POTEH: variants seen among roughly 807,000 people sequenced by gnomAD.
POTEH encodes ANKRD26-like family C member 3.
POTEH carries 6 observed loss-of-function variants against 41.7 expected under a neutral mutation model. The ratio of observed to expected loss-of-function variants is 0.14; its 90% CI spans 0.08 to 0.28. The LOEUF is 0.28. Among genes scored for constraint, POTEH ranks in the 10% least tolerant of loss-of-function variants. The pLI, the probability that POTEH is intolerant of heterozygous loss-of-function variation, is 1.00. For missense variants in POTEH, 115 were observed against 533.5 expected (o/e 0.22, Z 7.73); for synonymous variants, 38 against 179.9 (o/e 0.21, Z 6.31).
chr22:15,704,538 G>GTTT (rs1989630022), intron 6 of POTEH, among the ~76,000 whole-genome samples: 1 of 35,608 alleles, frequency 2.8e-5, no homozygotes, highest in African/African-American at 7.9e-5. Flanking sequence ...GGCTAAAACA[G>GTTT]TAGGAACCAG....
chr22:15,699,335 G>T (rs1248301762), intron 4 of POTEH: 1 of 177,948 alleles, frequency 5.6e-6, no homozygotes, highest in African/African-American at 2.4e-5. Context: ...ATTTTTAATT[G>T]GTATGGAGAG....
chr22:15,711,656 C>G (rs1449365061), intron 9 of POTEH, among the ~76,000 whole-genome samples: 2 of 151,678 alleles, frequency 1.3e-5, no homozygotes, highest in African/African-American at 4.9e-5. Context: ...CACACACACA[C>G]AGATATATAA....
chr22:15,690,777 G>A lies in POTEH; in HGVS notation c.632+68G>A, dbSNP rs546740926. ...GATGGGGACATACCCTCCTGGCCGG[G>A]GAGGAGGGGAGCCTGGTTTTCTTGC... is the stretch of plus-strand genomic sequence containing the variant. On this transcript the variant is annotated intron_variant, in intron 1 of 10. Transcript: ENST00000343518. The A allele has an allele frequency of 5.0e-6, 7 of 1,389,484 alleles. 2 individuals are homozygous for A. The highest frequency in any genetic ancestry group is 7.0e-6 in the Non-Finnish European group (7 of 1,003,508). The allele number at this position is 1,389,484 out of a possible 1,614,324, so 86.1% of individuals were successfully genotyped here.
In POTEH at chr22:15,692,443, G is replaced by A. The variant is rs573811426; in HGVS notation, c.632+1734G>A. ...TAAGTTAGAAGAGGAATGAAATACT[G>A]TTTTCTATTTAAGTTAGAGGAGGAA... is the stretch of plus-strand genomic sequence containing the variant. On this transcript the variant is annotated intron_variant, in intron 1 of 10. Transcript: ENST00000343518. Among the ~76,000 whole-genome samples the A allele has an allele frequency of 3.4e-5, 5 of 147,342 alleles. No homozygotes were observed. The East Asian group carries it at 7.9e-4, about 23-fold the overall frequency.
intron 3 of POTEH, among the ~76,000 whole-genome samples, chr22:15,696,829 G>GC (rs1297302691): frequency 7.1e-6 from 1 of 140,224 alleles, no homozygotes; most frequent in African/African-American, 2.7e-5. Flanking sequence ...ACTCTTTTTG[G>GC]CCAAATCTTC....
intron 7 of POTEH, among the ~76,000 whole-genome samples, chr22:15,708,554 A>T (rs1989731750): frequency 7.3e-6 from 1 of 137,390 alleles, no homozygotes; most frequent in Non-Finnish European, 1.5e-5. Context: ...ATTTTAATAG[A>T]TTCTTAAAAT....
At chr22:15,714,210 C>T (rs1364004571) in intron 9 of POTEH, among the ~76,000 whole-genome samples, 17 of 151,110 alleles carry the variant, frequency 1.1e-4, no homozygotes, top group African/African-American at 3.9e-4. Flanking sequence ...TGTGAGCCAC[C>T]ATCATCTGCC....
chr22:15,720,418 AATAATCT>A (rs1990001037), intron 10 of POTEH, among the ~76,000 whole-genome samples: 1 of 117,580 alleles, frequency 8.5e-6, no homozygotes, highest in Non-Finnish European at 1.7e-5. Flanking sequence ...CACAATGACA[AATAATCT>A]CATGATTTCT....
chr22:15,690,935 C>T (rs1347205094), intron 1 of POTEH, among the ~76,000 whole-genome samples: 48 of 129,834 alleles, frequency 3.7e-4, no homozygotes, highest in East Asian at 6.1e-4. Context: ...TCCTAGAACA[C>T]GAATAGACTG....
chr22:15,691,813 A>G (rs1199122895), intron 1 of POTEH, among the ~76,000 whole-genome samples: 3 of 149,256 alleles, frequency 2.0e-5, no homozygotes, highest in East Asian at 2.0e-4. Context: ...GCGCTTGATA[A>G]TGGTGATGTT....
intron 1 of POTEH, among the ~76,000 whole-genome samples, chr22:15,692,585 C>T (rs1228572823): frequency 7.9e-4 from 88 of 111,262 alleles, no homozygotes; most frequent in East Asian, 9.2e-4. Context: ...GAAATCCTAT[C>T]TCTACTGAAA....
At chr22:15,703,595 T>C (rs1989605727) in intron 6 of POTEH, among the ~76,000 whole-genome samples, 1 of 144,136 alleles carries the variant, frequency 6.9e-6, no homozygotes. Context: ...AATATGCAAA[T>C]TGCCCAACTC....
At chr22:15,717,189 A>G (rs1228544434) in intron 9 of POTEH, among the ~76,000 whole-genome samples, 3 of 91,304 alleles carry the variant, frequency 3.3e-5, no homozygotes, top group African/African-American at 1.0e-4. Flanking sequence ...TCTTTATTCC[A>G]TTCATCAGTT....
intron 1 of POTEH, among the ~76,000 whole-genome samples, chr22:15,691,899 A>G (rs1361903386): frequency 1.3e-5 from 2 of 148,312 alleles, no homozygotes; most frequent in Non-Finnish European, 3.0e-5. Flanking sequence ...TATCACAAAA[A>G]TCAGAGTATA....
In POTEH at chr22:15,717,244, G is replaced by C. The variant is rs1989925355; in HGVS notation, c.1521-2416G>C. 2.2e-5 allele frequency among the ~76,000 whole-genome samples: 2 copies of C among 91,478 alleles called. 1 individual carries two copies. Among genetic ancestry groups the C allele is most frequent in the Non-Finnish European group, 4.8e-5 (2 of 41,412 alleles). The allele number at this position is 91,478 out of a possible 152,430, so 60.0% of individuals were successfully genotyped here. On this transcript the variant is annotated intron_variant, in intron 9 of 10. Transcript: ENST00000343518. ...CATATCTTTGCATATTGTGAATTGT[G>C]CTGCAGTAAACATATGTGTGCGGGT...
intron 6 of POTEH, among the ~76,000 whole-genome samples, chr22:15,703,614 G>A (rs554468243): frequency 2.7e-5 from 4 of 147,038 alleles, no homozygotes; most frequent in African/African-American, 1.0e-4. Flanking sequence ...TCTAGGCTCA[G>A]CAGATTATCA....
intron 9 of POTEH, among the ~76,000 whole-genome samples, chr22:15,713,358 G>C (rs1404430002): frequency 6.6e-6 from 1 of 152,294 alleles, no homozygotes; most frequent in Non-Finnish European, 1.5e-5. Flanking sequence ...GTCTTCACTT[G>C]GCTTTCAGGA....
At chr22:15,690,759 A>G (rs1438629391) in intron 1 of POTEH, 50 bp downstream of exon 1, 45 of 1,391,584 alleles carry the variant, frequency 3.2e-5, no homozygotes, top group Middle Eastern at 4.7e-4. Flanking sequence ...GATGATGGGG[A>G]CATACCCTCC....
In POTEH at chr22:15,690,035, G is replaced by A. The variant is rs371721759; in HGVS notation, c.-43G>A. 29 of 1,396,508 alleles carry A rather than the reference G, an allele frequency of 2.1e-5. 6 individuals are homozygous for A. Among genetic ancestry groups the A allele is most frequent in the South Asian group, 1.1e-4 (9 of 84,508 alleles). 86.5% of individuals were successfully genotyped at this position (1,396,508 alleles called of 1,614,324 possible). On this transcript the variant is annotated 5_prime_UTR_variant, in exon 1 of 11. Transcript: ENST00000343518. ...GTTGGTGAAACTGGTTGGTAGACGCGATCTGCTGGCTACTACCGGCCTTCC... is the reference window on the plus strand; with the variant it reads ...GTTGGTGAAACTGGTTGGTAGACGCAATCTGCTGGCTACTACCGGCCTTCC...
Sources: gnomAD v4.1 joint callset for allele counts (sites outside exome capture counted in the v4.1 genomes callset) on GRCh38, gnomAD v4.1.1 for gene constraint, MANE v1.5 for transcripts, NCBI Gene and HGNC (gene_info 2026-07-23, HGNC 2026-07-21) for gene names.